Variants in HLTF observed in about 807,000 individuals in gnomAD.
HLTF encodes DNA-dependent ATPase/E3 ubiquitin-protein ligase HLTF.
HLTF carries 127 observed loss-of-function variants against 129.4 expected under a neutral mutation model. The ratio of observed to expected loss-of-function variants is 0.98; its 90% confidence interval spans 0.85 to 1.14. The LOEUF (loss-of-function observed/expected upper bound fraction) is 1.14, where lower values mean the gene tolerates loss of function less well. Ranked by LOEUF, HLTF falls within the 50% of genes most tolerant of loss-of-function variation. The probability of loss-of-function intolerance (pLI) is 0.00; values close to 1 mark genes in which losing one functional copy is unlikely to be tolerated. For missense variants in HLTF, 1,139 were observed against 1,187.1 expected (o/e 0.96, Z 0.60); for synonymous variants, 332 against 388.8 (o/e 0.85, Z 1.72).
chr3:149,042,237 A>C lies in HLTF; in HGVS notation c.2126T>G (p.Leu709Trp). ...LAHYADVLGL[L>W]LRLRQICCHT... ...GCAACAAATTTGCCGCAGTCTAAGC[A>C]AAAGACCCAGGACATCTGCATAATG... The change falls in exon 19 of 25, where the codon TTG becomes TGG. Residue 709 changes from leucine to tryptophan, a missense_variant. Physicochemically the swap from Leu to Trp is moderately conservative, Grantham distance 61 (BLOSUM62 -2). Coordinates refer to ENST00000310053, the MANE Select transcript of HLTF (RefSeq NM_003071.4). The C allele has an allele frequency of 1.2e-6, 2 of 1,613,226 alleles. No individual in the cohort carries two copies. The highest frequency in any genetic ancestry group is 1.7e-6 in the Non-Finnish European group (2 of 1,179,256).
intron 15 of HLTF, among the ~76,000 whole-genome samples, 163 bp from the exon 16 acceptor site, chr3:149,049,164 A>G (rs574586214): frequency 6.6e-6 from 1 of 152,336 alleles, no homozygotes; most frequent in East Asian, 1.9e-4. Flanking sequence ...AGTTTATAAA[A>G]TAAGTACTTA....
intron 2 of HLTF, among the ~76,000 whole-genome samples, chr3:149,079,145 A>C (rs1216668578): frequency 2.0e-5 from 3 of 152,030 alleles, no homozygotes; most frequent in East Asian, 3.9e-4. Flanking sequence ...ATACCAACAC[A>C]CATACATAAG....
intron 18 of HLTF, 117 bp from the exon 19 acceptor site, chr3:149,042,407 A>G: frequency 1.2e-6 from 1 of 851,068 alleles, no homozygotes; most frequent in Non-Finnish European, 1.8e-6. Context: ...CTCCAAAACA[A>G]GAATGAAAAG....
intron 24 of HLTF, among the ~76,000 whole-genome samples, chr3:149,033,949 AT>A (rs1715351660): frequency 6.6e-6 from 1 of 152,186 alleles, no homozygotes; most frequent in African/African-American, 2.4e-5. Flanking sequence ...GGGATAAACC[AT>A]TTTCAACATA....
rs977159771 is a variant in HLTF, at chr3:149,039,320, C to A, written c.2616-91G>T. ...TAACTACAAATCTCTTCAATAAATT[C>A]TTTCACTCATTTATTTTAACAAATG... is the stretch of plus-strand genomic sequence containing the variant. On this transcript the variant is annotated intron_variant, in intron 22 of 24. Transcript: ENST00000310053. 2.8e-5 allele frequency: 27 copies of A among 953,186 alleles called. No homozygotes were observed. The Admixed American group carries it at 3.2e-4, about 11-fold the overall frequency. 59.0% of individuals were successfully genotyped at this position (953,186 alleles called of 1,614,324 possible).
chr3:149,071,044 CAA>C (rs796316100), intron 7 of HLTF, among the ~76,000 whole-genome samples: 15 of 112,314 alleles, frequency 1.3e-4, no homozygotes, highest in South Asian at 2.9e-4. Flanking sequence ...GACTCCATCT[CAA>C]AAAAAAAAAA....
chr3:149,060,951 G>A, intron 10 of HLTF, 93 bp from the exon 11 acceptor site: 1 of 845,308 alleles, frequency 1.2e-6, no homozygotes, highest in Non-Finnish European at 1.9e-6. Context: ...AAAAACTTTT[G>A]TCCTACTCAT....
chr3:149,059,376 CA>C, intron 13 of HLTF: 4 of 412,540 alleles, frequency 9.7e-6, no homozygotes, highest in South Asian at 3.6e-5. Context: ...ATTCTAATAC[CA>C]AAAAATTAAA....
chr3:149,060,190 C>T (rs776737512), intron 12 of HLTF, among the ~76,000 whole-genome samples: 1 of 151,946 alleles, frequency 6.6e-6, no homozygotes, highest in African/African-American at 2.4e-5. Context: ...AATACAATTT[C>T]TCAACGAATG....
At chr3:149,082,079 G>A (rs1719916190) in intron 2 of HLTF, among the ~76,000 whole-genome samples, 3 of 152,178 alleles carry the variant, frequency 2.0e-5, no homozygotes. Flanking sequence ...TATGCTGAGT[G>A]AAAAACGCCA....
intron 2 of HLTF, among the ~76,000 whole-genome samples, chr3:149,077,291 T>TAAAC (rs1327867682): frequency 1.5e-5 from 2 of 136,194 alleles, no homozygotes; most frequent in Non-Finnish European, 3.1e-5. Flanking sequence ...AATAAATAAA[T>TAAAC]AAAAATAATA....
At chr3:149,081,467 T>C (rs1171399907) in intron 2 of HLTF, among the ~76,000 whole-genome samples, 2 of 151,600 alleles carry the variant, frequency 1.3e-5, no homozygotes, top group Non-Finnish European at 2.9e-5. Flanking sequence ...TAAATCTAAG[T>C]AGAAAAACCG....
intron 15 of HLTF, among the ~76,000 whole-genome samples, chr3:149,049,473 A>G (rs1282482556): frequency 6.6e-6 from 1 of 152,242 alleles, no homozygotes; most frequent in African/African-American, 2.4e-5. Context: ...AAAAGTTTTA[A>G]CTTTTGAACA....
rs769704376 is a variant in HLTF at position 149,048,176 on chromosome 3, G to A, written c.1757-13C>T. On this transcript the variant is annotated splice_polypyrimidine_tract_variant and intron_variant, in intron 16 of 24. Coordinates refer to ENST00000310053, the MANE Select transcript of HLTF (RefSeq NM_003071.4). ...TGGATTGGAGTACCTAGAAATAACA[G>A]GAAACTGTTATAACTCTTTAACCAG... The A allele has an allele frequency of 2.5e-6, 4 of 1,595,310 alleles. No homozygotes were observed. The Admixed American group carries it at 5.3e-5, about 21-fold the overall frequency.
Position 149,034,899 on chromosome 3 carries a change from AGTTT to A in HLTF, c.2877+15_2877+18del, listed in dbSNP as rs766890703. ...AATCGTATCAACCTAGTCTTAAAAT[AGTTT>A]GTTTAAAAACTCACTTTTGTGATGA... On this transcript the variant is annotated intron_variant, in intron 24 of 24. Transcript: ENST00000310053. 13 of 1,536,382 alleles carry A rather than the reference AGTTT, an allele frequency of 8.5e-6. No homozygotes were observed. The highest frequency in any genetic ancestry group is 1.7e-5 in the Admixed American group (1 of 59,902).
In HLTF at chr3:149,041,658, TG is replaced by T. The variant is rs1716143310; in HGVS notation, c.2207del (p.Thr736AsnfsTer5). 1.2e-6 allele frequency: 2 copies of T among 1,608,320 alleles called. No homozygotes were observed. Among genetic ancestry groups the T allele is most frequent in the African/African-American group, 2.7e-5 (2 of 74,792 alleles). The stretch of plus-strand genomic sequence containing the variant: ...TTAACTTCTTTCTCAGTTCTTCAGG[TG>T]TATCATTTCCTAGAGAAAAGGCTGA... ...VSSNGPSGND[T>X]PEELRKKLIR... On this transcript the variant is annotated frameshift_variant, in exon 20 of 25. Transcript: ENST00000310053. LOFTEE classifies it high-confidence loss of function.
intron 13 of HLTF, among the ~76,000 whole-genome samples, chr3:149,059,116 G>C (rs1717711683): frequency 6.6e-6 from 1 of 151,716 alleles, no homozygotes; most frequent in African/African-American, 2.4e-5. Flanking sequence ...AAATTATATT[G>C]ACTTGCTTAT....
intron 10 of HLTF, chr3:149,062,955 T>A (rs1718070441): frequency 2.5e-6 from 1 of 402,216 alleles, no homozygotes; most frequent in Non-Finnish European, 5.0e-6. Context: ...AAAATGAGAA[T>A]ACTCTATCTG....
chr3:149,073,696 A>C (rs1273076925), intron 4 of HLTF, among the ~76,000 whole-genome samples: 1 of 152,196 alleles, frequency 6.6e-6, no homozygotes, highest in African/African-American at 2.4e-5. Context: ...ACTCTGTCTC[A>C]AAATATATAC....
Sources: allele counts gnomAD v4.1 joint callset (sites outside exome capture counted in the v4.1 genomes callset), GRCh38; gene constraint gnomAD v4.1.1; transcripts MANE v1.5; gene names NCBI Gene and HGNC (gene_info 2026-07-23, HGNC 2026-07-21).